The following ST13 variants were observed in gnomAD, a reference collection of about 807,000 sequenced individuals.
ST13 encodes the protein hsc70-interacting protein.
In ST13, 23 loss-of-function variants were observed where a neutral mutation model predicts 56.7. The ratio of observed to expected loss-of-function variants is 0.41; its 90% CI spans 0.29 to 0.57. ST13 has a LOEUF of 0.57. ST13 is among the 20% of genes least tolerant of loss of function. The pLI is 0.36. For missense variants in ST13, 369 were observed against 459.9 expected (o/e 0.80, Z 1.81); for synonymous variants, 132 against 142.4 (o/e 0.93, Z 0.52).
chr22:40,847,003 A>C (rs1420077587), intron 3 of ST13, among the ~76,000 whole-genome samples: 2 of 152,072 alleles, frequency 1.3e-5, no homozygotes, highest in Admixed American at 6.6e-5. Context: ...CTTCCAAAAA[A>C]ACCCCAAAAA....
chr22:40,844,258 C>T (rs1365140124), intron 4 of ST13, among the ~76,000 whole-genome samples: 1 of 152,126 alleles, frequency 6.6e-6, no homozygotes, highest in Non-Finnish European at 1.5e-5. Context: ...CTGATAATAT[C>T]AAGTTTTGAG....
chr22:40,835,362 T>A (rs1392403922), intron 7 of ST13, 198 bp downstream of exon 7: 1 of 452,226 alleles, frequency 2.2e-6, no homozygotes, highest in African/African-American at 2.0e-5. Context: ...TATTCTCACT[T>A]CTTCTTTTAA....
rs2145736827 is a variant in ST13 at position 40,835,607 on chromosome 22, T to C, written c.531A>G (p.Ile177Met). The C allele has an allele frequency of 6.2e-7, 1 of 1,613,460 alleles. No homozygotes were observed. The highest frequency in any genetic ancestry group is 1.3e-5 in the African/African-American group (1 of 75,044). The part of the protein sequence containing the change: ...AIRDCDRAIE[I>M]NPDSAQPYKW... The stretch of plus-strand genomic sequence containing the variant: ...TGTAAGGCTGAGCTGAATCAGGATT[T>C]ATTTCAATGGCTCTGTCACAGTCTC... The change falls in exon 7 of 12, where the codon ATA becomes ATG. Residue 177 changes from isoleucine (I) to methionine (M), a missense_variant. This residue lies in a region of ST13 where 64 missense variants were observed against 125.1 expected (regional missense o/e 0.51). Transcript: ENST00000216218.
Position 40,827,085 on chromosome 22 carries a change from C to T in ST13, c.981+11G>A. The T allele has an allele frequency of 6.2e-7, 1 of 1,609,362 alleles. No individual in the cohort carries two copies. Among genetic ancestry groups the T allele is most frequent in the Non-Finnish European group, 8.5e-7 (1 of 1,178,722 alleles). ...TGATACAAAGTCCAAAGTTTTTCTT[C>T]CAAGTCTTACCTGCATGGCTGCAAG... On this transcript the variant is annotated intron_variant, in intron 11 of 11. Transcript: ENST00000216218.
Position 40,835,446 on chromosome 22 carries a change from C to T in ST13, c.578+114G>A, listed in dbSNP as rs1026629155. ...CTCACTTCTTGATACTAAGTACACACTAATTTGAAAATTAAGTCATTAGGA... is the reference window on the plus strand; with the variant it reads ...CTCACTTCTTGATACTAAGTACACATTAATTTGAAAATTAAGTCATTAGGA... On this transcript the variant is annotated intron_variant, in intron 7 of 11. Coordinates refer to ENST00000216218, the MANE Select transcript of ST13 (RefSeq NM_003932.5). 1.2e-4 allele frequency: 102 copies of T among 866,278 alleles called. No homozygotes were observed. In the African/African-American group the frequency reaches 1.5e-3, roughly 13 times the overall value. The allele number at this position is 866,278 out of a possible 1,614,324, so 53.7% of individuals were successfully genotyped here.
chr22:40,842,912 A>G (rs979212838), intron 4 of ST13, among the ~76,000 whole-genome samples: 2 of 152,180 alleles, frequency 1.3e-5, no homozygotes, highest in Non-Finnish European at 2.9e-5. Context: ...AGCACTCTGG[A>G]AGGCCAGGAG....
intron 7 of ST13, among the ~76,000 whole-genome samples, chr22:40,834,566 G>GT (rs1287252892): frequency 2.0e-5 from 3 of 151,800 alleles, no homozygotes; most frequent in Non-Finnish European, 2.9e-5. Context: ...TTTTTAAAAT[G>GT]TTTTTTTCTA....
chr22:40,835,063 G>GC (rs904661765), intron 7 of ST13, among the ~76,000 whole-genome samples: 35 of 152,132 alleles, frequency 2.3e-4, no homozygotes, highest in Admixed American at 3.9e-4. Context: ...ACCTCTTTAT[G>GC]CCCCCCCGCC....
intron 3 of ST13, among the ~76,000 whole-genome samples, chr22:40,845,786 G>A (rs2057828022): frequency 1.3e-5 from 2 of 151,330 alleles, no homozygotes; most frequent in African/African-American, 4.9e-5. Flanking sequence ...TAGTTAATTT[G>A]ATAAGAAGTT....
intron 5 of ST13, among the ~76,000 whole-genome samples, chr22:40,838,772 G>C (rs2057788939): frequency 6.6e-6 from 1 of 152,086 alleles, no homozygotes; most frequent in East Asian, 1.9e-4. Flanking sequence ...TAAAATTTAG[G>C]TGGTAGGGAA....
chr22:40,845,900 T>C (rs1404010392), intron 3 of ST13, among the ~76,000 whole-genome samples: 1 of 152,138 alleles, frequency 6.6e-6, no homozygotes, highest in Non-Finnish European at 1.5e-5. Flanking sequence ...TATATATACA[T>C]ATATGTATAT....
rs371863080 is a variant in ST13, at chr22:40,856,383, G to C, written c.110+48C>G. 2.0e-6 allele frequency: 3 copies of C among 1,531,154 alleles called. No individual in the cohort carries two copies. The African/African-American group carries it at 4.1e-5, about 21-fold the overall frequency. The allele number at this position is 1,531,154 out of a possible 1,614,324, so 94.8% of individuals were successfully genotyped here. On this transcript the variant is annotated intron_variant, in intron 1 of 11. Transcript: ENST00000216218. ...GCCAGGTCCAGCCTGGCTCCCCCCT[G>C]GGGCCGTGCTTCCCCCGCCCCCAAC...
chr22:40,832,579 A>G lies in ST13; in HGVS notation c.671T>C (p.Val224Ala). ...TCTACTTTGACATACCCTAGGTTGA[A>G]CTTCTTTCAGCATTGCACTAGCATC... Reference protein sequence around the residue: ...DEDASAMLKEVQPRAQKIAEH... With the variant: ...DEDASAMLKEAQPRAQKIAEH... The change falls in exon 8 of 12, where the codon GTT becomes GCT. Residue 224 changes from valine (V) to alanine (A), a missense_variant. By Grantham distance (64) the Val-to-Ala change is moderately conservative. Coordinates refer to ENST00000216218, the MANE Select transcript of ST13 (RefSeq NM_003932.5). 1 of 1,608,602 alleles carries G rather than the reference A, an allele frequency of 6.2e-7. No homozygotes were observed. Among genetic ancestry groups the G allele is most frequent in the South Asian group, 1.1e-5 (1 of 90,988 alleles).
rs1279721895 is a variant in ST13 at position 40,835,783 on chromosome 22, T to C, written c.467+20A>G. ...CAGAAATTATTTGCCAGGGGATGCT[T>C]TTCTGTTTAGAGTTCTCACCTGGCC... On this transcript the variant is annotated intron_variant, in intron 6 of 11. Coordinates refer to ENST00000216218, the MANE Select transcript of ST13 (RefSeq NM_003932.5). 6.2e-7 allele frequency: 1 copy of C among 1,612,202 alleles called. No homozygotes were observed. Among genetic ancestry groups the C allele is most frequent in the South Asian group, 1.1e-5 (1 of 90,996 alleles).
At chr22:40,839,015 T>A (rs1442909588) in intron 5 of ST13, among the ~76,000 whole-genome samples, 1 of 151,944 alleles carries the variant, frequency 6.6e-6, no homozygotes, top group Non-Finnish European at 1.5e-5. Flanking sequence ...AATCCTCTGA[T>A]GAAGATCTTA....
At chr22:40,853,743 A>C (rs568813767) in intron 1 of ST13, among the ~76,000 whole-genome samples, 30 of 152,344 alleles carry the variant, frequency 2.0e-4, no homozygotes, top group African/African-American at 7.0e-4. Flanking sequence ...TTCCTTTACA[A>C]CATTTAGGAA....
At chr22:40,847,207 C>A (rs2057836359) in intron 3 of ST13, among the ~76,000 whole-genome samples, 1 of 152,036 alleles carries the variant, frequency 6.6e-6, no homozygotes, top group Non-Finnish European at 1.5e-5. Context: ...AAGAACTAAA[C>A]AAATACTATT....
At chr22:40,854,331 CTATAT>C in intron 1 of ST13, among the ~76,000 whole-genome samples, 1 of 152,284 alleles carries the variant, frequency 6.6e-6, no homozygotes, top group Middle Eastern at 3.4e-3. Context: ...GAAAAAGCTT[CTATAT>C]TAAATATCTC....
At chr22:40,842,998 T>C (rs1216732801) in intron 4 of ST13, among the ~76,000 whole-genome samples, 2 of 152,130 alleles carry the variant, frequency 1.3e-5, no homozygotes, top group South Asian at 2.1e-4. Context: ...TGCATGACTA[T>C]AGTCCCAGCT....
Sources: gnomAD v4.1 joint callset for allele counts (sites outside exome capture counted in the v4.1 genomes callset) on GRCh38, gnomAD v4.1.1 for gene constraint, gnomAD v4.1.1 regional missense constraint, MANE v1.5 for transcripts, NCBI Gene and HGNC (gene_info 2026-07-23, HGNC 2026-07-21) for gene names.